Variants in CWC22 observed in about 807,000 individuals in gnomAD.
The protein encoded by CWC22 is CWC22 spliceosome associated protein, also known as pre-mRNA-splicing factor CWC22 homolog.
A neutral mutation model predicts 117.2 loss-of-function variants in CWC22; 53 were observed. That is an observed-to-expected ratio of 0.45 (90% CI 0.36 to 0.57). The LOEUF is 0.57. Among genes scored for constraint, CWC22 ranks in the 20% least tolerant of loss-of-function variants. The pLI, the probability that CWC22 is intolerant of heterozygous loss-of-function variation, is 0.00. For missense variants in CWC22, 980 were observed against 1,068.8 expected (o/e 0.92, Z 1.16); for synonymous variants, 360 against 355.6 (o/e 1.01, Z -0.14).
intron 6 of CWC22, 56 bp downstream of exon 6, chr2:179,978,134 T>C: frequency 7.1e-7 from 1 of 1,407,290 alleles, no homozygotes; most frequent in East Asian, 2.6e-5. Context: ...ATGTAGATAT[T>C]ATATTCCTTT....
At chr2:179,991,288 G>C (rs1559296706) in intron 2 of CWC22, among the ~76,000 whole-genome samples, 1 of 152,096 alleles carries the variant, frequency 6.6e-6, no homozygotes, top group Non-Finnish European at 1.5e-5. Context: ...GCTACAGTGA[G>C]GTTCAAGGGA....
chr2:179,953,983 C>A (rs1686521102), intron 16 of CWC22, among the ~76,000 whole-genome samples: 1 of 152,090 alleles, frequency 6.6e-6, no homozygotes, highest in African/African-American at 2.4e-5. Flanking sequence ...GAAACACTGG[C>A]ATGTTTGGAC....
At chr2:179,951,351 G>A (rs765809628) in intron 17 of CWC22, among the ~76,000 whole-genome samples, 1 of 151,986 alleles carries the variant, frequency 6.6e-6, no homozygotes, top group African/African-American at 2.4e-5. Context: ...AGTACTGGGG[G>A]AGAGGTGGAA....
intron 4 of CWC22, 42 bp downstream of exon 4, chr2:179,986,653 A>G (rs1432410551): frequency 8.7e-7 from 1 of 1,144,370 alleles, no homozygotes; most frequent in Admixed American, 2.1e-5. Context: ...GAGAGTTTAA[A>G]CAAATACAAT....
chr2:179,972,790 G>A (rs907473814), intron 8 of CWC22, among the ~76,000 whole-genome samples: 24 of 152,026 alleles, frequency 1.6e-4, no homozygotes, highest in African/African-American at 5.8e-4. Flanking sequence ...GGTGGATCAC[G>A]AGTTCAGGAG....
In CWC22 at chr2:179,990,505, A is replaced by G. The variant is rs142966834; in HGVS notation, c.28-1861T>C. 3.4e-3 allele frequency among the ~76,000 whole-genome samples: 508 copies of G among 151,026 alleles called. 1 individual carries two copies. The highest frequency in any genetic ancestry group is 0.012 in the African/African-American group (493 of 41,100). ...AGATTTCTATGATTAAACACATTAG[A>G]TTATATGTTCCCCAGAATGAGAGTG... On this transcript the variant is annotated intron_variant, in intron 2 of 19. Transcript: ENST00000410053.
chr2:179,951,472 T>G (rs980514856), intron 17 of CWC22, among the ~76,000 whole-genome samples: 3 of 151,964 alleles, frequency 2.0e-5, no homozygotes, highest in African/African-American at 7.3e-5. Context: ...GACATTTGGT[T>G]TTCAGCACCA....
intron 11 of CWC22, among the ~76,000 whole-genome samples, chr2:179,967,549 A>T (rs1686922995): frequency 2.0e-5 from 3 of 152,194 alleles, no homozygotes; most frequent in Admixed American, 6.5e-5. Context: ...AACTTCTGTA[A>T]CCTAAGCACT....
chr2:179,945,099 G>C lies in CWC22; in HGVS notation c.*30C>G, dbSNP rs377091525. On this transcript the variant is annotated 3_prime_UTR_variant, in exon 20 of 20. Transcript: ENST00000410053. Reference sequence around the variant, plus strand: ...AATAATTTGTTTCAACTGAATATAAGGCATGTCCAGTTTATGTCATTTTGT... The same window carrying C: ...AATAATTTGTTTCAACTGAATATAACGCATGTCCAGTTTATGTCATTTTGT... 137 of 1,446,642 alleles carry C rather than the reference G, an allele frequency of 9.5e-5. No individual in the cohort carries two copies. The highest frequency in any genetic ancestry group is 1.3e-4 in the Non-Finnish European group (135 of 1,061,240). 89.6% of individuals were successfully genotyped at this position (1,446,642 alleles called of 1,614,324 possible). A position where few individuals can be genotyped will look rare whatever the true frequency, so the allele number is the denominator to read the frequency against.
chr2:179,973,375 A>G, intron 7 of CWC22, 129 bp from the exon 8 acceptor site: 1 of 698,126 alleles, frequency 1.4e-6, no homozygotes, highest in Non-Finnish European at 2.4e-6. Context: ...ACATTATAAG[A>G]AAGTTACAAA....
At position 179,964,768 on chromosome 2, in the gene CWC22, T is replaced by C. The variant is rs370411049; in HGVS notation, c.1316-140A>G. The C allele has an allele frequency of 1.2e-4, 66 of 551,446 alleles. No individual in the cohort carries two copies. In the South Asian group the frequency reaches 1.6e-3, roughly 14 times the overall value. 34.2% of individuals were successfully genotyped at this position (551,446 alleles called of 1,614,324 possible). On this transcript the variant is annotated intron_variant, in intron 12 of 19. Transcript: ENST00000410053. ...AATATTATCTTTTTACTGTGTAAAT[T>C]AGTATTTATAGAATTGAAAGTAACT...
At chr2:179,954,382 T>A in intron 15 of CWC22, 25 bp from the exon 16 acceptor site, 1 of 1,447,944 alleles carries the variant, frequency 6.9e-7, no homozygotes. Flanking sequence ...ATCAGTACCA[T>A]TAAAAATTGA....
intron 1 of CWC22, among the ~76,000 whole-genome samples, chr2:179,999,773 T>C (rs1687799758): frequency 6.6e-6 from 1 of 152,152 alleles, no homozygotes; most frequent in Non-Finnish European, 1.5e-5. Flanking sequence ...AAAACAGGTT[T>C]GGTGAATTTC....
chr2:179,978,394 T>C (rs534666805), intron 5 of CWC22, 76 bp from the exon 6 acceptor site: 36 of 1,333,604 alleles, frequency 2.7e-5, no homozygotes, highest in Admixed American at 3.8e-5. Context: ...AAAAACTACA[T>C]AGTGCTCCTT....
chr2:179,991,820 A>G lies in CWC22; in HGVS notation c.27+1495T>C, dbSNP rs537739241. Among the ~76,000 whole-genome samples the G allele has an allele frequency of 9.2e-5, 14 of 152,308 alleles. No individual in the cohort carries two copies. In the East Asian group the frequency reaches 1.7e-3, roughly 19 times the overall value. Reference sequence around the variant, plus strand: ...AATGGACCAATGAGTACAAGTCCCAAAAAGGCCGATTTGAGAACAATATAC... The same window carrying G: ...AATGGACCAATGAGTACAAGTCCCAGAAAGGCCGATTTGAGAACAATATAC... On this transcript the variant is annotated intron_variant, in intron 2 of 19. Coordinates refer to ENST00000410053, the MANE Select transcript of CWC22 (RefSeq NM_020943.3).
At chr2:179,997,420 G>T (rs543884327) in intron 1 of CWC22, among the ~76,000 whole-genome samples, 5 of 152,156 alleles carry the variant, frequency 3.3e-5, no homozygotes, top group Admixed American at 6.5e-5. Context: ...CTCACCTGAG[G>T]ATGAGAGCCC....
At chr2:179,967,782 C>T (rs72960663) in intron 11 of CWC22, among the ~76,000 whole-genome samples, 10,390 of 151,930 alleles carry the variant, frequency 0.068, 467 homozygotes, top group East Asian at 0.25. Flanking sequence ...CAAGGAAAAC[C>T]ACTTGTGTGA....
chr2:180,003,819 C>T (rs563136596), intron 1 of CWC22, among the ~76,000 whole-genome samples: 1 of 152,288 alleles, frequency 6.6e-6, no homozygotes, highest in East Asian at 1.9e-4. Context: ...TAATATGTCC[C>T]AAGGCCAAGG....
chr2:179,967,944 G>A (rs1263260100), intron 11 of CWC22, among the ~76,000 whole-genome samples: 2 of 152,168 alleles, frequency 1.3e-5, no homozygotes, highest in East Asian at 3.9e-4. Flanking sequence ...AACAATATCT[G>A]CGATGATGAA....
Sources: gnomAD v4.1 joint callset for allele counts (sites outside exome capture counted in the v4.1 genomes callset) on GRCh38, gnomAD v4.1.1 for gene constraint, MANE v1.5 for transcripts, NCBI Gene and HGNC (gene_info 2026-07-23, HGNC 2026-07-21) for gene names.